ADAMTS19: variants seen among roughly 807,000 people sequenced by gnomAD.
ADAMTS19 encodes A disintegrin and metalloproteinase with thrombospondin motifs 19.
ADAMTS19 carries 93 observed loss-of-function variants against 153.3 expected under a neutral mutation model. That is an observed-to-expected ratio of 0.61 (90% CI 0.51 to 0.72). The LOEUF (loss-of-function observed/expected upper bound fraction) is 0.72, where lower values mean the gene tolerates loss of function less well. Among genes scored for constraint, ADAMTS19 ranks in the 30% least tolerant of loss-of-function variants. The pLI is 0.00. For synonymous variants in ADAMTS19, 600 were observed against 556.6 expected, an observed-to-expected ratio of 1.08 and a Z score of -1.10; for missense variants, 1,482 against 1,552.1, an observed-to-expected ratio of 0.95 and a Z score of 0.76.
chr5:129,509,357 A>C, intron 3 of ADAMTS19, 115 bp downstream of exon 3: 1 of 912,352 alleles, frequency 1.1e-6, no homozygotes, highest in South Asian at 1.9e-5. Context: ...AGAATCTTTT[A>C]ATTAGTAACA....
In ADAMTS19 at chr5:129,711,675, C is replaced by CA. The variant is rs1414552029; in HGVS notation, c.3312+7295dup. Among the ~76,000 whole-genome samples the CA allele has an allele frequency of 7.0e-3, 887 of 126,912 alleles. 11 individuals are homozygous for CA. The highest frequency in any genetic ancestry group is 0.021 in the East Asian group (94 of 4,400). The allele number at this position is 126,912 out of a possible 152,430, so 83.3% of individuals were successfully genotyped here. A position where few individuals can be genotyped will look rare whatever the true frequency, so the allele number is the denominator to read the frequency against. ...TGGGTGACAGAGTGAGACTCTGTCT[C>CA]AAAAAAAAAAACAAAAATTCTTTAG... On this transcript the variant is annotated intron_variant, in intron 21 of 22. Transcript: ENST00000274487.
At chr5:129,554,624 C>G (rs1471926136) in intron 7 of ADAMTS19, among the ~76,000 whole-genome samples, 1 of 152,052 alleles carries the variant, frequency 6.6e-6, no homozygotes, top group African/African-American at 2.4e-5. Context: ...GTTTCTTTCT[C>G]CTGGATGATA....
intron 6 of ADAMTS19, among the ~76,000 whole-genome samples, chr5:129,532,119 A>T (rs1223449333): frequency 6.6e-5 from 10 of 151,812 alleles, no homozygotes; most frequent in African/African-American, 2.2e-4. Flanking sequence ...TAGATAGGGT[A>T]AAAAAAAGTA....
chr5:129,537,669 G>C lies in ADAMTS19; in HGVS notation c.1328+8992G>C, dbSNP rs926119583. Among the ~76,000 whole-genome samples the C allele has an allele frequency of 8.6e-5, 13 of 151,786 alleles. No individual in the cohort carries two copies. The South Asian group carries it at 1.9e-3, about 22-fold the overall frequency. On this transcript the variant is annotated intron_variant, in intron 6 of 22. Coordinates refer to ENST00000274487, the MANE Select transcript of ADAMTS19 (RefSeq NM_133638.6). Reference sequence around the variant, plus strand: ...GAAACCATCATTCTCAGCAAACTATGGCAAGGACAAAAAACCAAACACCGC... The same window carrying C: ...GAAACCATCATTCTCAGCAAACTATCGCAAGGACAAAAAACCAAACACCGC...
chr5:129,640,133 A>G (rs1480519927), intron 10 of ADAMTS19, among the ~76,000 whole-genome samples: 1 of 152,258 alleles, frequency 6.6e-6, no homozygotes, highest in Admixed American at 6.5e-5. Context: ...TTGAAGCTGG[A>G]AAAAAAGTCA....
chr5:129,520,550 A>G (rs886649137), intron 3 of ADAMTS19, among the ~76,000 whole-genome samples: 6 of 152,284 alleles, frequency 3.9e-5, no homozygotes, highest in Admixed American at 1.3e-4. Context: ...AATGTTTGTA[A>G]ACACCTTGAG....
chr5:129,596,744 C>A lies in ADAMTS19; in HGVS notation c.1478+80C>A, dbSNP rs1170787308. ...AGTTACTGAATTACCTGGATATCTT[C>A]TGATTTTTAATTTGGGCTTCAAGTT... On this transcript the variant is annotated intron_variant, in intron 8 of 22. Transcript: ENST00000274487. The A allele has an allele frequency of 3.8e-6, 4 of 1,058,892 alleles. No individual in the cohort carries two copies. In the African/African-American group the frequency reaches 4.9e-5, roughly 13 times the overall value. The allele number at this position is 1,058,892 out of a possible 1,614,324, so 65.6% of individuals were successfully genotyped here. A position where few individuals can be genotyped will look rare whatever the true frequency, so the allele number is the denominator to read the frequency against.
At chr5:129,714,186 G>A (rs928154067) in intron 21 of ADAMTS19, among the ~76,000 whole-genome samples, 3 of 151,868 alleles carry the variant, frequency 2.0e-5, no homozygotes, top group Non-Finnish European at 4.4e-5. Context: ...TTGGGAGGCC[G>A]AGGCGGGTGG....
At chr5:129,636,727 G>T (rs1395337604) in intron 10 of ADAMTS19, among the ~76,000 whole-genome samples, 1 of 152,164 alleles carries the variant, frequency 6.6e-6, no homozygotes, top group Non-Finnish European at 1.5e-5. Context: ...TAGATTTCTA[G>T]CATTTCTTCC....
At chr5:129,543,735 C>A (rs1200635711) in intron 6 of ADAMTS19, among the ~76,000 whole-genome samples, 2 of 152,152 alleles carry the variant, frequency 1.3e-5, no homozygotes, top group African/African-American at 4.8e-5. Context: ...GGGCCTGAGT[C>A]TTTGCCTTGC....
At chr5:129,482,208 C>A (rs1188130158) in intron 2 of ADAMTS19, among the ~76,000 whole-genome samples, 3 of 152,134 alleles carry the variant, frequency 2.0e-5, no homozygotes, top group Non-Finnish European at 2.9e-5. Flanking sequence ...TCCATCTGTG[C>A]TCTCCCCCTT....
At chr5:129,460,582 C>A in intron 1 of ADAMTS19, 100 bp downstream of exon 1, 1 of 1,341,812 alleles carries the variant, frequency 7.5e-7, no homozygotes, top group Non-Finnish European at 1.1e-6. Context: ...GCGTGGAGAG[C>A]AGGGCTCAGT....
chr5:129,696,139 C>T (rs913754946), intron 19 of ADAMTS19, among the ~76,000 whole-genome samples: 9 of 152,150 alleles, frequency 5.9e-5, no homozygotes, highest in African/African-American at 2.2e-4. Flanking sequence ...AAGTCAATTA[C>T]TAAAGCCCTC....
intron 10 of ADAMTS19, among the ~76,000 whole-genome samples, chr5:129,636,455 C>T (rs916377864): frequency 5.3e-5 from 8 of 152,098 alleles, no homozygotes; most frequent in African/African-American, 1.9e-4. Context: ...TAGATATTAA[C>T]AGTTCTCCTT....
intron 3 of ADAMTS19, among the ~76,000 whole-genome samples, chr5:129,518,562 TG>T (rs1207582865): frequency 1.3e-5 from 2 of 152,090 alleles, no homozygotes; most frequent in East Asian, 1.9e-4. Flanking sequence ...GCCAGTGTAT[TG>T]GAGCTCAATT....
rs542979793 is a variant in ADAMTS19, at chr5:129,496,868, A to G, written c.748-12209A>G. 3.3e-5 allele frequency among the ~76,000 whole-genome samples: 5 copies of G among 152,236 alleles called. No homozygotes were observed. The East Asian group carries it at 9.6e-4, about 29-fold the overall frequency. On this transcript the variant is annotated intron_variant, in intron 2 of 22. Transcript: ENST00000274487. The stretch of plus-strand genomic sequence containing the variant: ...GCCACCTTTCTGGTTAAGAAATAAT[A>G]TAGGTCAAAGTTAGTTAATAGATTT...
chr5:129,716,696 C>G (rs895509958), intron 21 of ADAMTS19, among the ~76,000 whole-genome samples: 13 of 151,906 alleles, frequency 8.6e-5, no homozygotes, highest in Non-Finnish European at 1.6e-4. Context: ...TCTTAATTCC[C>G]AATATAATAC....
intron 3 of ADAMTS19, among the ~76,000 whole-genome samples, chr5:129,515,073 A>C (rs1384292017): frequency 6.6e-6 from 1 of 151,904 alleles, no homozygotes; most frequent in African/African-American, 2.4e-5. Flanking sequence ...TGTTCTTGGC[A>C]CCTTTTTCAA....
chr5:129,540,696 A>C (rs1420274325), intron 6 of ADAMTS19, among the ~76,000 whole-genome samples: 1 of 152,108 alleles, frequency 6.6e-6, no homozygotes, highest in African/African-American at 2.4e-5. Flanking sequence ...TGAATCACTT[A>C]TAGGTATATC....
Sources: allele counts gnomAD v4.1 joint callset (sites outside exome capture counted in the v4.1 genomes callset), GRCh38; gene constraint gnomAD v4.1.1; transcripts MANE v1.5; gene names NCBI Gene and HGNC (gene_info 2026-07-23, HGNC 2026-07-21).